Variants in RABGEF1 observed in about 807,000 individuals in gnomAD.
RABGEF1 encodes rab5 GDP/GTP exchange factor.
Under a neutral mutation model 57.3 loss-of-function variants are expected in RABGEF1, and 26 were observed. The observed-to-expected ratio is 0.45, with a 90% CI of 0.33 to 0.63. RABGEF1 has a LOEUF of 0.63. Ranked by LOEUF, RABGEF1 falls within the 20% of genes least tolerant of loss-of-function variation. The probability of loss-of-function intolerance (pLI) is 0.02; values close to 1 mark genes in which losing one functional copy is unlikely to be tolerated. For missense variants in RABGEF1, 464 were observed against 607.6 expected (o/e 0.76, Z 2.48); for synonymous variants, 185 against 210.7 (o/e 0.88, Z 1.06).
chr7:66,679,438 AG>A (rs1162292591), upstream of RABGEF1, among the ~76,000 whole-genome samples: 2 of 152,110 alleles, frequency 1.3e-5, no homozygotes, highest in Non-Finnish European at 2.9e-5. Context: ...CCTCCAGAGT[AG>A]CTGGGACTAC....
intron 2 of RABGEF1, among the ~76,000 whole-genome samples, chr7:66,733,055 G>A (rs779830379): frequency 2.0e-5 from 3 of 152,108 alleles, no homozygotes; most frequent in East Asian, 1.9e-4. Context: ...CCTTAGCCGC[G>A]TAGTCAAGGT....
chr7:66,672,070 ACTCCCAAAGTG>A, the RABGEF1 span, among the ~76,000 whole-genome samples: 3 of 150,782 alleles, frequency 2.0e-5, no homozygotes, highest in East Asian at 5.9e-4. Flanking sequence ...CCTGCCTCAG[ACTCCCAAAGTG>A]CTGGGATTAT....
intron 1 of RABGEF1, among the ~76,000 whole-genome samples, chr7:66,759,306 A>G (rs1485389678): frequency 6.6e-6 from 1 of 152,232 alleles, no homozygotes; most frequent in Non-Finnish European, 1.5e-5. Flanking sequence ...TGCATTGAGC[A>G]GATTCTACAG....
At chr7:66,738,144 C>T (rs370709024), upstream of RABGEF1, among the ~76,000 whole-genome samples, 11 of 152,086 alleles carry the variant, frequency 7.2e-5, no homozygotes, top group East Asian at 1.9e-3. Flanking sequence ...CCTCGGCCTC[C>T]AGAGTAGCTG....
At chr7:66,773,615 G>T (rs142523027) in intron 2 of RABGEF1, 134 of 451,454 alleles carry the variant, frequency 3.0e-4, no homozygotes, top group African/African-American at 2.5e-3. Flanking sequence ...CTGCTGTCTG[G>T]GGAATCATAC....
intron 2 of RABGEF1, among the ~76,000 whole-genome samples, chr7:66,733,441 G>C (rs907414800): frequency 6.6e-5 from 10 of 151,974 alleles, no homozygotes; most frequent in African/African-American, 2.4e-4. Flanking sequence ...GTTCACACCT[G>C]TAATCCCAGC....
At chr7:66,664,502 A>T in the RABGEF1 span, among the ~76,000 whole-genome samples, 1 of 150,356 alleles carries the variant, frequency 6.7e-6, no homozygotes, top group Non-Finnish European at 1.5e-5. Flanking sequence ...CTGAGGTGGG[A>T]GGATTAGCCT....
In RABGEF1 at chr7:66,694,514, A is replaced by G. The variant is rs574785246; in HGVS notation, c.-873+12256A>G. On this transcript the variant is annotated intron_variant and NMD_transcript_variant, in intron 1 of 9. Coordinates refer to the RABGEF1 transcript ENST00000607882. ...GCCTGGAGGGCAGTGGGAAGCCAGC[A>G]AAGGGCATTGAGCTAAAGAGGGGCA... is the stretch of plus-strand genomic sequence containing the variant. Among the ~76,000 whole-genome samples the G allele has an allele frequency of 2.6e-5, 4 of 152,362 alleles. No individual in the cohort carries two copies. In the South Asian group the frequency reaches 8.3e-4, roughly 32 times the overall value.
rs1169099645 is a variant in RABGEF1 at position 66,682,495 on chromosome 7, C to T, written c.-873+237C>T. On this transcript the variant is annotated intron_variant and NMD_transcript_variant, in intron 1 of 9. Coordinates refer to the RABGEF1 transcript ENST00000607882. ...CTCCGTCCAACGTGCTCGTTGCCGG[C>T]ATCTCCAGCGCCCGGCCGTGCCCCG... 2.0e-5 allele frequency among the ~76,000 whole-genome samples: 3 copies of T among 152,328 alleles called. No homozygotes were observed. In the East Asian group the frequency reaches 5.8e-4, roughly 29 times the overall value.
At chr7:66,792,642 T>A (rs1812992490) in intron 4 of RABGEF1, among the ~76,000 whole-genome samples, 1 of 152,176 alleles carries the variant, frequency 6.6e-6, no homozygotes, top group Admixed American at 6.5e-5. Context: ...TATAAAGAAA[T>A]CCTTGAAAAG....
upstream of RABGEF1, among the ~76,000 whole-genome samples, chr7:66,677,288 T>C (rs1026001576): frequency 1.3e-5 from 2 of 152,126 alleles, no homozygotes; most frequent in Admixed American, 1.3e-4. Context: ...ACAGTTAACA[T>C]CATACTCAAT....
chr7:66,805,044 A>C, intron 7 of RABGEF1, 96 bp from the exon 8 acceptor site: 11 of 1,327,614 alleles, frequency 8.3e-6, no homozygotes, highest in Non-Finnish European at 1.1e-5. Context: ...GTTAATAAGG[A>C]TTCCTTCATA....
chr7:66,800,694 G>A lies in RABGEF1; in HGVS notation c.820+1280G>A, dbSNP rs182917979. Among the ~76,000 whole-genome samples, 22 of 152,340 alleles carry A rather than the reference G, an allele frequency of 1.4e-4. No homozygotes were observed. In the East Asian group the frequency reaches 3.7e-3, roughly 25 times the overall value. On this transcript the variant is annotated intron_variant, in intron 7 of 8. Transcript: ENST00000284957. ...TCCTGACTCTTACTAGAAAGTTCAAGATCAGCTGGTTTACATTTAGAGTGT... is the reference window on the plus strand; with the variant it reads ...TCCTGACTCTTACTAGAAAGTTCAAAATCAGCTGGTTTACATTTAGAGTGT...
At chr7:66,731,377 C>T (rs1167941569) in intron 2 of RABGEF1, among the ~76,000 whole-genome samples, 3 of 151,958 alleles carry the variant, frequency 2.0e-5, no homozygotes, top group Admixed American at 6.6e-5. Flanking sequence ...GAGAAGGCAC[C>T]GTGTGGGGTT....
Position 66,712,580 on chromosome 7 carries a change from C to T in RABGEF1, c.-815+356C>T, listed in dbSNP as rs539295543. Among the ~76,000 whole-genome samples the T allele has an allele frequency of 3.0e-4, 45 of 152,128 alleles. 1 individual carries two copies. In the South Asian group the frequency reaches 8.7e-3, roughly 29 times the overall value. On this transcript the variant is annotated intron_variant and NMD_transcript_variant, in intron 2 of 9. Transcript: ENST00000607882. ...CGACCTCCCGGGCTGAAGGGATCCT[C>T]GCACCTCAGCCTCCTGAGTAGCTGA...
chr7:66,697,101 C>T (rs551132752), intron 1 of RABGEF1, among the ~76,000 whole-genome samples: 2 of 152,310 alleles, frequency 1.3e-5, no homozygotes, highest in South Asian at 4.1e-4. Context: ...CCAGGAAGCA[C>T]AGTCATGGTG....
chr7:66,692,831 CCACAGAGTCCA>C (rs1267654495), intron 1 of RABGEF1, among the ~76,000 whole-genome samples: 1 of 152,148 alleles, frequency 6.6e-6, no homozygotes, highest in Non-Finnish European at 1.5e-5. Context: ...GGAAGTGATT[CCACAGAGTCCA>C]CACAGCTGCT....
At chr7:66,720,022 T>C (rs1160601621) in intron 2 of RABGEF1, among the ~76,000 whole-genome samples, 1 of 151,986 alleles carries the variant, frequency 6.6e-6, no homozygotes, top group Non-Finnish European at 1.5e-5. Context: ...TCAAGTGAAA[T>C]GCGTCCCAGA....
At chr7:66,730,613 C>T (rs369360195) in intron 2 of RABGEF1, among the ~76,000 whole-genome samples, 1 of 147,870 alleles carries the variant, frequency 6.8e-6, no homozygotes, top group Non-Finnish European at 1.5e-5. Flanking sequence ...GGCTGGAGTG[C>T]CATGGTACAG....
Sources: allele counts gnomAD v4.1 joint callset (sites outside exome capture counted in the v4.1 genomes callset), GRCh38; gene constraint gnomAD v4.1.1; transcripts MANE v1.5; gene names NCBI Gene and HGNC (gene_info 2026-07-23, HGNC 2026-07-21).